The following CNGB1 variants were observed in gnomAD, a reference collection of about 807,000 sequenced individuals.
CNGB1 encodes the protein cyclic nucleotide-gated channel beta-1.
In CNGB1, 126 loss-of-function variants were observed where a neutral mutation model predicts 151.7. The observed-to-expected ratio is 0.83, with a 90% CI of 0.72 to 0.96. The LOEUF (loss-of-function observed/expected upper bound fraction) is 0.96. CNGB1 is among the 40% of genes least tolerant of loss of function. The pLI is 0.00. For missense variants in CNGB1, 1,698 were observed against 1,627.0 expected, an observed-to-expected ratio of 1.04 and a Z score of -0.75; for synonymous variants, 623 against 635.1, an observed-to-expected ratio of 0.98 and a Z score of 0.29.
chr16:57,902,013 G>A (rs1960406099), intron 27 of CNGB1, among the ~76,000 whole-genome samples: 1 of 152,108 alleles, frequency 6.6e-6, no homozygotes, highest in East Asian at 1.9e-4. Flanking sequence ...TAAAGTCTCT[G>A]GAGCACTTCT....
At chr16:57,929,268 T>G (rs74324630) in intron 17 of CNGB1, among the ~76,000 whole-genome samples, 1,655 of 152,238 alleles carry the variant, frequency 0.011, 42 homozygotes, top group East Asian at 0.082. Context: ...AATCGTTGGG[T>G]GTATTAGTCC....
chr16:57,916,380 C>A lies in CNGB1; in HGVS notation c.2167-201G>T, dbSNP rs1429559794. On this transcript the variant is annotated intron_variant, in intron 21 of 32. Coordinates refer to ENST00000251102, the MANE Select transcript of CNGB1 (RefSeq NM_001297.5). ...GGAGGAGGGATCTGTTCTGGTCACC[C>A]AGCTAGATCCTGATTTCTTGGGTGG... Among the ~76,000 whole-genome samples the A allele has an allele frequency of 3.3e-5, 5 of 152,152 alleles. No homozygotes were observed. In the East Asian group the frequency reaches 9.7e-4, roughly 29 times the overall value.
chr16:57,888,289 G>A (rs1435492024), intron 31 of CNGB1, among the ~76,000 whole-genome samples: 2 of 152,282 alleles, frequency 1.3e-5, no homozygotes, highest in African/African-American at 2.4e-5. Flanking sequence ...GGGTCTTACT[G>A]TCTGTTGTAC....
At chr16:57,959,048 C>G (rs1281363683) in intron 10 of CNGB1, among the ~76,000 whole-genome samples, 1 of 151,886 alleles carries the variant, frequency 6.6e-6, no homozygotes, top group Non-Finnish European at 1.5e-5. Flanking sequence ...CCACTGCACC[C>G]AGCCTGTATC....
chr16:57,897,510 C>A lies in CNGB1; in HGVS notation c.3129G>T (p.Thr1043=). 1 of 1,614,140 alleles carries A rather than the reference C, an allele frequency of 6.2e-7. No individual in the cohort carries two copies. ...TAAACCCGTGCGCCACCACGTTGGC[C>A]GTGCGCCGGTTCCCGCCCCCAACAG... ...LLAVGGGNRR[T]ANVVAHGFTN... is the part of the protein sequence containing the mutation. Residue 1043 remains threonine (T), a synonymous_variant, in exon 31 of 33, where the codon ACG becomes ACT. Transcript: ENST00000251102.
chr16:57,910,863 CAT>C (rs1210155833), intron 25 of CNGB1, among the ~76,000 whole-genome samples: 1 of 152,134 alleles, frequency 6.6e-6, no homozygotes, highest in African/African-American at 2.4e-5. Context: ...ACCTTGCACA[CAT>C]GTCATCAGGA....
chr16:57,927,896 G>A (rs1961235845), intron 17 of CNGB1, among the ~76,000 whole-genome samples: 1 of 152,208 alleles, frequency 6.6e-6, no homozygotes, highest in Non-Finnish European at 1.5e-5. Context: ...TGATGAAGTT[G>A]TGAGCTGTAC....
intron 17 of CNGB1, among the ~76,000 whole-genome samples, chr16:57,925,219 T>A (rs1304918537): frequency 6.6e-6 from 1 of 152,008 alleles, no homozygotes; most frequent in East Asian, 1.9e-4. Context: ...GCCAGGCTAG[T>A]CTCAATCTCC....
chr16:57,914,353 C>T (rs544295871), intron 23 of CNGB1, among the ~76,000 whole-genome samples: 1 of 152,320 alleles, frequency 6.6e-6, no homozygotes, highest in African/African-American at 2.4e-5. Context: ...CCACTTTCCC[C>T]CTTCCTCTTG....
At chr16:57,960,984 G>A in intron 7 of CNGB1, 69 bp from the exon 8 acceptor site, 1 of 1,443,176 alleles carries the variant, frequency 6.9e-7, no homozygotes, top group Non-Finnish European at 9.7e-7. Flanking sequence ...GCCCACCTCG[G>A]GGCCAGGCCT....
At chr16:57,939,338 G>C (rs1961598233) in intron 16 of CNGB1, 92 bp downstream of exon 16, 1 of 1,561,020 alleles carries the variant, frequency 6.4e-7, no homozygotes, top group Non-Finnish European at 8.8e-7. Flanking sequence ...GGAGGGAGAG[G>C]AGGAGGGGTT....
At chr16:57,957,231 G>T in intron 12 of CNGB1, 110 bp downstream of exon 12, 1 of 1,021,008 alleles carries the variant, frequency 9.8e-7, no homozygotes, top group Non-Finnish European at 1.6e-6. Flanking sequence ...CCCCCTGTGT[G>T]AGTCCAGGTC....
At chr16:57,923,240 T>C (rs1192398183) in intron 18 of CNGB1, 33 bp downstream of exon 18, 3 of 1,327,476 alleles carry the variant, frequency 2.3e-6, no homozygotes, top group South Asian at 1.2e-5. Context: ...CCCCGCAGTC[T>C]TTCAATTTTC....
chr16:57,958,517 G>C, intron 10 of CNGB1, 32 bp from the exon 11 acceptor site: 1 of 1,592,272 alleles, frequency 6.3e-7, no homozygotes, highest in South Asian at 1.1e-5. Flanking sequence ...CGGTGTCCAG[G>C]TGGGAAGGGT....
At chr16:57,927,179 C>T (rs925287420) in intron 17 of CNGB1, among the ~76,000 whole-genome samples, 2 of 152,162 alleles carry the variant, frequency 1.3e-5, no homozygotes, top group East Asian at 1.9e-4. Flanking sequence ...TTTCTTTCCT[C>T]GTCTTACACG....
chr16:57,901,309 A>G (rs751803568), intron 29 of CNGB1, 43 bp downstream of exon 29: 47 of 1,583,562 alleles, frequency 3.0e-5, no homozygotes, highest in Non-Finnish European at 3.4e-5. Flanking sequence ...AGCCAGGGGG[A>G]TGGTGAACCC....
At position 57,909,235 on chromosome 16, in the gene CNGB1, T is replaced by C. The variant is rs551586806; in HGVS notation, c.2492+2518A>G. Among the ~76,000 whole-genome samples, 4 of 152,180 alleles carry C rather than the reference T, an allele frequency of 2.6e-5. No individual in the cohort carries two copies. In the South Asian group the frequency reaches 6.2e-4, roughly 24 times the overall value. On this transcript the variant is annotated intron_variant, in intron 25 of 32. Coordinates refer to ENST00000251102, the MANE Select transcript of CNGB1 (RefSeq NM_001297.5). ...ATGAGCTGAGATCATGCTGCTGTAC[T>C]CCAGTCTGAGCAACAGAGAGTAAGT... is the stretch of plus-strand genomic sequence containing the variant.
At chr16:57,885,580 T>TCTCTCTCTCTCTCTCTCTCTCTCTC in intron 32 of CNGB1, among the ~76,000 whole-genome samples, 1 of 57,032 alleles carries the variant, frequency 1.8e-5, no homozygotes, top group East Asian at 5.3e-4. Flanking sequence ...CTCTCTCTCT[T>TCTCTCTCTCTCTCTCTCTCTCTCTC]TCTTTCTTTC....
intron 31 of CNGB1, among the ~76,000 whole-genome samples, chr16:57,896,369 A>G (rs1373278142): frequency 1.3e-5 from 2 of 152,310 alleles, no homozygotes; most frequent in Middle Eastern, 3.4e-3. Context: ...TCTAATGGTA[A>G]TCACGAGAAA....
Sources: allele counts gnomAD v4.1 joint callset (sites outside exome capture counted in the v4.1 genomes callset), GRCh38; gene constraint gnomAD v4.1.1; transcripts MANE v1.5; gene names NCBI Gene and HGNC (gene_info 2026-07-23, HGNC 2026-07-21).